The following GABRA3 variants were observed in gnomAD, a reference collection of about 807,000 sequenced individuals.
The protein encoded by GABRA3 is gamma-aminobutyric acid receptor subunit alpha-3.
A neutral mutation model predicts 30.1 loss-of-function variants in GABRA3; 10 were observed. The ratio of observed to expected loss-of-function variants is 0.33; its 90% CI spans 0.20 to 0.56. GABRA3 has a LOEUF of 0.56. Ranked by LOEUF, GABRA3 falls within the 20% of genes least tolerant of loss-of-function variation. GABRA3 has a pLI of 0.89. For synonymous variants in GABRA3, 151 were observed against 146.8 expected (o/e 1.03, Z -0.21); for missense variants, 233 against 392.0 (o/e 0.59, Z 3.42).
rs988283060 is a variant in GABRA3, at chrX:152,199,377, AT to A, written c.779-1593del. On this transcript the variant is annotated intron_variant, in intron 7 of 9. Transcript: ENST00000370314. Reference sequence around the variant, plus strand: ...GAGACTCTGTCTCAAAAAAAAAAAAATAAAAAAAGCAAAAAACAAGCAGAGG... The same window carrying A: ...GAGACTCTGTCTCAAAAAAAAAAAAAAAAAAAAGCAAAAAACAAGCAGAGG... Among the ~76,000 whole-genome samples the A allele has an allele frequency of 2.8e-5, 3 of 108,800 alleles. No individual in the cohort carries two copies. The East Asian group carries it at 8.7e-4, about 31-fold the overall frequency. 94.5% of individuals were successfully genotyped at this position (108,800 alleles called of 115,157 possible). A position where few individuals can be genotyped will look rare whatever the true frequency, so the allele number is the denominator to read the frequency against.
chrX:152,184,576 AGTACTCT>A (rs1381986206), intron 9 of GABRA3, among the ~76,000 whole-genome samples: 2 of 111,596 alleles, frequency 1.8e-5, no homozygotes, highest in Non-Finnish European at 3.8e-5. Flanking sequence ...TGGAGTCTGG[AGTACTCT>A]GTACACAGAC....
intron 5 of GABRA3, among the ~76,000 whole-genome samples, chrX:152,245,175 C>A (rs1354136625): frequency 3.6e-5 from 4 of 110,422 alleles, no homozygotes; most frequent in African/African-American, 1.3e-4. Context: ...CGAAAGCAAT[C>A]TGTCAATTAG....
intron 4 of GABRA3, among the ~76,000 whole-genome samples, chrX:152,283,028 T>G (rs765554432): frequency 1.8e-5 from 2 of 111,709 alleles, no homozygotes; most frequent in Admixed American, 9.6e-5. Flanking sequence ...AGTATGGTTG[T>G]CTCTGATGGG....
At chrX:152,298,587 G>C (rs905921339) in intron 3 of GABRA3, among the ~76,000 whole-genome samples, 75 of 110,874 alleles carry the variant, frequency 6.8e-4, no homozygotes, top group Non-Finnish European at 1.3e-3. Context: ...GTGTTCCATG[G>C]TGTATATGTG....
chrX:152,416,152 C>T (rs1237470866), intron 1 of GABRA3, among the ~76,000 whole-genome samples: 5 of 99,439 alleles, frequency 5.0e-5, no homozygotes, highest in Admixed American at 1.1e-4. Flanking sequence ...TCTCCTTAAG[C>T]TGATAAGCAA....
rs139301424 is a variant in GABRA3, at chrX:152,312,454, C to T, written c.263-27719G>A. On this transcript the variant is annotated intron_variant, in intron 3 of 9. Coordinates refer to ENST00000370314, the MANE Select transcript of GABRA3 (RefSeq NM_000808.4). ...CCATATGCAGAAGATCGAAACTATACGTTTTCTTTTCACCATATACAAAAT... is the reference window on the plus strand; with the variant it reads ...CCATATGCAGAAGATCGAAACTATATGTTTTCTTTTCACCATATACAAAAT... Among the ~76,000 whole-genome samples the T allele has an allele frequency of 3.3e-3, 368 of 111,914 alleles. 4 individuals are homozygous for T. The highest frequency in any genetic ancestry group is 0.011 in the African/African-American group (344 of 30,878).
chrX:152,388,977 T>TA (rs1481517141), intron 1 of GABRA3, among the ~76,000 whole-genome samples: 1 of 112,196 alleles, frequency 8.9e-6, no homozygotes, highest in Non-Finnish European at 1.9e-5. Context: ...GCTAACCATC[T>TA]AGGGCTTATA....
chrX:152,326,802 G>A, intron 3 of GABRA3, among the ~76,000 whole-genome samples: 1 of 110,438 alleles, frequency 9.1e-6, no homozygotes, highest in East Asian at 2.8e-4. Flanking sequence ...CAACTAACGG[G>A]GAAAATAAAC....
rs1479890679 is a variant in GABRA3 at position 152,292,188 on chromosome X, T to A, written c.263-7453A>T. ...GTAGGCTATTAATTATTGTCTCAAT[T>A]TCAGAGCCTGTTATTGGTCTATTCA... On this transcript the variant is annotated intron_variant, in intron 3 of 9. Coordinates refer to ENST00000370314, the MANE Select transcript of GABRA3 (RefSeq NM_000808.4). Among the ~76,000 whole-genome samples, 9 of 111,849 alleles carry A rather than the reference T, an allele frequency of 8.0e-5. No individual in the cohort carries two copies. In the Admixed American group the frequency reaches 8.5e-4, roughly 11 times the overall value.
At chrX:152,420,686 C>T (rs924869865) in intron 1 of GABRA3, among the ~76,000 whole-genome samples, 9 of 110,765 alleles carry the variant, frequency 8.1e-5, no homozygotes, top group African/African-American at 1.3e-4. Context: ...AAATTTAGAA[C>T]GAAAAGGACA....
intron 1 of GABRA3, among the ~76,000 whole-genome samples, chrX:152,423,217 CTTG>C (rs1930420077): frequency 8.9e-6 from 1 of 111,905 alleles, no homozygotes; most frequent in Non-Finnish European, 1.9e-5. Context: ...CACAGGGGAA[CTTG>C]TTGACACTTG....
chrX:152,354,835 G>C (rs1167832839), intron 2 of GABRA3, among the ~76,000 whole-genome samples: 1 of 111,347 alleles, frequency 9.0e-6, no homozygotes, highest in Non-Finnish European at 1.9e-5. Context: ...CAGCCTCTCA[G>C]GTCCCAAGTC....
intron 1 of GABRA3, among the ~76,000 whole-genome samples, chrX:152,405,306 CAA>C (rs1182138088): frequency 1.2e-4 from 4 of 33,728 alleles, no homozygotes; most frequent in African/African-American, 9.0e-5. Flanking sequence ...CGCACCCTTG[CAA>C]AAAAAAAAAA....
intron 6 of GABRA3, among the ~76,000 whole-genome samples, chrX:152,213,754 A>C (rs1382984543): frequency 3.6e-5 from 4 of 111,531 alleles, no homozygotes; most frequent in African/African-American, 1.3e-4. Context: ...AAAGAGTTTT[A>C]GTGAAAGGAA....
At chrX:152,273,330 C>G (rs1219950972) in intron 4 of GABRA3, among the ~76,000 whole-genome samples, 3 of 112,203 alleles carry the variant, frequency 2.7e-5, no homozygotes, top group Non-Finnish European at 5.6e-5. Flanking sequence ...AGCTTATACA[C>G]TGTTGGTGGA....
intron 4 of GABRA3, among the ~76,000 whole-genome samples, chrX:152,256,605 G>A (rs1042527695): frequency 4.5e-5 from 5 of 111,749 alleles, no homozygotes; most frequent in Admixed American, 1.9e-4. Flanking sequence ...GCTAATAAAC[G>A]TGAAGAAAAT....
intron 5 of GABRA3, among the ~76,000 whole-genome samples, chrX:152,232,200 G>C (rs901731965): frequency 5.4e-5 from 6 of 111,035 alleles, no homozygotes; most frequent in African/African-American, 2.0e-4. Flanking sequence ...CAGCCTTATA[G>C]CACAGTGTTT....
chrX:152,304,525 T>G (rs1336685620), intron 3 of GABRA3, among the ~76,000 whole-genome samples: 1 of 112,290 alleles, frequency 8.9e-6, no homozygotes, highest in Non-Finnish European at 1.9e-5. Context: ...GGATAGCCAC[T>G]TATTCCAGCA....
intron 4 of GABRA3, among the ~76,000 whole-genome samples, chrX:152,265,518 T>C (rs960363274): frequency 9.0e-6 from 1 of 111,334 alleles, no homozygotes; most frequent in Admixed American, 9.6e-5. Flanking sequence ...GGGAAGTTTA[T>C]AGATATAAGT....
Sources: allele counts gnomAD v4.1 joint callset (sites outside exome capture counted in the v4.1 genomes callset), GRCh38; gene constraint gnomAD v4.1.1; transcripts MANE v1.5; gene names NCBI Gene and HGNC (gene_info 2026-07-23, HGNC 2026-07-21).